The following SNX29 variants were observed in gnomAD, a reference collection of about 807,000 sequenced individuals.
The protein encoded by SNX29 is sorting nexin 29.
Under a neutral mutation model 102.1 loss-of-function variants are expected in SNX29, and 78 were observed. The observed-to-expected ratio is 0.76, with a 90% CI of 0.64 to 0.92. The LOEUF is 0.92. Ranked by LOEUF, SNX29 falls within the 40% of genes least tolerant of loss-of-function variation. The pLI, the probability that SNX29 is intolerant of heterozygous loss-of-function variation, is 0.00. For missense variants in SNX29, 1,280 were observed against 1,061.7 expected, an observed-to-expected ratio of 1.21 and a Z score of -2.86; for synonymous variants, 580 against 414.5, an observed-to-expected ratio of 1.40 and a Z score of -4.85.
Position 12,174,972 on chromosome 16 carries a change from G to T in SNX29, c.1596-24629G>T, listed in dbSNP as rs540698573. Among the ~76,000 whole-genome samples, 17 of 152,204 alleles carry T rather than the reference G, an allele frequency of 1.1e-4. No individual in the cohort carries two copies. The East Asian group carries it at 3.1e-3, about 28-fold the overall frequency. On this transcript the variant is annotated intron_variant, in intron 13 of 20. Transcript: ENST00000566228. ...ATTATCTTGTCCCTGAGGTAAGAGGGCTAGTAAACAGCTTAGTGTCCTCTC... is the reference window on the plus strand; with the variant it reads ...ATTATCTTGTCCCTGAGGTAAGAGGTCTAGTAAACAGCTTAGTGTCCTCTC...
intron 20 of SNX29, among the ~76,000 whole-genome samples, chr16:12,565,576 C>G (rs1030442123): frequency 6.6e-6 from 1 of 152,106 alleles, no homozygotes; most frequent in Non-Finnish European, 1.5e-5. Context: ...TACTGTCACA[C>G]CCTCAACCAC....
At chr16:12,179,514 G>A (rs935833681) in intron 13 of SNX29, among the ~76,000 whole-genome samples, 1 of 152,130 alleles carries the variant, frequency 6.6e-6, no homozygotes, top group Admixed American at 6.5e-5. Flanking sequence ...ATGTTTCCCT[G>A]TTTTCTTCCA....
At chr16:12,532,450 A>G (rs1361236690) in intron 20 of SNX29, among the ~76,000 whole-genome samples, 1 of 152,162 alleles carries the variant, frequency 6.6e-6, no homozygotes, top group Non-Finnish European at 1.5e-5. Flanking sequence ...ACTAAGCTCA[A>G]TATTATTAAG....
chr16:12,244,863 C>T (rs1351416107), intron 14 of SNX29, among the ~76,000 whole-genome samples: 1 of 152,190 alleles, frequency 6.6e-6, no homozygotes. Flanking sequence ...CCATTTGTTA[C>T]TGCTACTTAA....
intron 1 of SNX29, among the ~76,000 whole-genome samples, chr16:11,996,388 C>A (rs145182877): frequency 6.6e-6 from 1 of 151,964 alleles, no homozygotes; most frequent in Non-Finnish European, 1.5e-5. Context: ...CAGAAAAAAA[C>A]GCCAAAAAAT....
In SNX29 at chr16:12,426,624, T is replaced by A. The variant is rs987417411; in HGVS notation, c.2037+23095T>A. 5.9e-5 allele frequency among the ~76,000 whole-genome samples: 9 copies of A among 152,352 alleles called. No homozygotes were observed. The East Asian group carries it at 1.7e-3, about 29-fold the overall frequency. On this transcript the variant is annotated intron_variant, in intron 18 of 20. Coordinates refer to ENST00000566228, the MANE Select transcript of SNX29 (RefSeq NM_032167.5). ...TAGATCTAATTTTTAAAATTCTTTT[T>A]AAGGTGAATTTTATGGTATGTGAAT...
intron 20 of SNX29, among the ~76,000 whole-genome samples, chr16:12,544,734 C>T (rs1199827425): frequency 6.6e-6 from 1 of 152,152 alleles, no homozygotes; most frequent in Non-Finnish European, 1.5e-5. Flanking sequence ...GAAACCTCGG[C>T]CCAGAGAGGT....
At chr16:12,085,063 C>T (rs780600655) in intron 11 of SNX29, among the ~76,000 whole-genome samples, 33 of 151,636 alleles carry the variant, frequency 2.2e-4, no homozygotes, top group Non-Finnish European at 4.7e-4. Context: ...GGGCTAGACC[C>T]GTCTCAAAAA....
intron 16 of SNX29, among the ~76,000 whole-genome samples, chr16:12,359,123 T>C (rs1382845814): frequency 6.6e-6 from 1 of 152,184 alleles, no homozygotes; most frequent in Non-Finnish European, 1.5e-5. Flanking sequence ...GGGGCGGTCT[T>C]GTGGGACTGA....
intron 11 of SNX29, chr16:12,082,044 A>C (rs1265182931): frequency 6.6e-6 from 1 of 152,274 alleles, no homozygotes; most frequent in Non-Finnish European, 1.5e-5. Flanking sequence ...GGATGAGAAA[A>C]GAAGCCACTC....
At chr16:12,265,200 G>T (rs1024814652) in intron 14 of SNX29, among the ~76,000 whole-genome samples, 3 of 152,166 alleles carry the variant, frequency 2.0e-5, no homozygotes, top group African/African-American at 7.2e-5. Context: ...AAATCACTCT[G>T]TCTGGCACAG....
intron 18 of SNX29, among the ~76,000 whole-genome samples, chr16:12,415,968 G>T (rs2084619368): frequency 6.6e-6 from 1 of 152,168 alleles, no homozygotes; most frequent in South Asian, 2.1e-4. Context: ...TGGGAGCATT[G>T]TTGGAGTGGG....
In SNX29 at chr16:12,570,482, G is replaced by T. The variant is rs990516569; in HGVS notation, c.*1853G>T. On this transcript the variant is annotated 3_prime_UTR_variant, in exon 21 of 21. Transcript: ENST00000566228. ...GAAACGTCTAAAAGCTCAATCTGCT[G>T]TATGTCATGACCCCTTAGGTTGGGT... 1.2e-4 allele frequency: 27 copies of T among 233,506 alleles called. No homozygotes were observed. Among genetic ancestry groups the T allele is most frequent in the African/African-American group, 4.9e-4 (22 of 45,320 alleles). The allele number at this position is 233,506 out of a possible 1,614,324, so 14.5% of individuals were successfully genotyped here.
chr16:12,126,627 C>T lies in SNX29; in HGVS notation c.1403-6C>T, dbSNP rs1219864561. 1.9e-6 allele frequency: 3 copies of T among 1,613,728 alleles called. No individual in the cohort carries two copies. The African/African-American group carries it at 4.0e-5, about 22-fold the overall frequency. ...AATTAATCTTGACTTTGTTTTCTTC[C>T]CTTAGGTGAACTGCGCCAGGCCACT... On this transcript the variant is annotated splice_polypyrimidine_tract_variant and splice_region_variant and intron_variant, in intron 11 of 20. Coordinates refer to ENST00000566228, the MANE Select transcript of SNX29 (RefSeq NM_032167.5).
chr16:12,265,280 C>G (rs930770263), intron 14 of SNX29, among the ~76,000 whole-genome samples: 5 of 152,136 alleles, frequency 3.3e-5, no homozygotes, highest in Non-Finnish European at 7.3e-5. Flanking sequence ...GGGGGAGAAA[C>G]ATGAGTCTAA....
At chr16:12,537,558 G>T (rs1333412646) in intron 20 of SNX29, among the ~76,000 whole-genome samples, 1 of 152,122 alleles carries the variant, frequency 6.6e-6, no homozygotes, top group African/African-American at 2.4e-5. Context: ...CTTCTCGAAG[G>T]GAAGCAATTT....
intron 11 of SNX29, among the ~76,000 whole-genome samples, chr16:12,117,704 C>G (rs983999561): frequency 2.0e-5 from 3 of 152,160 alleles, no homozygotes; most frequent in African/African-American, 7.2e-5. Context: ...GTGATGGTTG[C>G]ACAACATTTT....
intron 3 of SNX29, 145 bp from the exon 4 acceptor site, chr16:12,027,175 C>T (rs2057215501): frequency 1.1e-6 from 1 of 935,226 alleles, no homozygotes; most frequent in South Asian, 1.6e-5. Flanking sequence ...GGTCAGTTAC[C>T]AAGCCTGCAC....
intron 15 of SNX29, among the ~76,000 whole-genome samples, 159 bp downstream of exon 15, chr16:12,278,195 A>G (rs953695070): frequency 6.6e-6 from 1 of 152,222 alleles, no homozygotes; most frequent in African/African-American, 2.4e-5. Context: ...GTGCTTTATA[A>G]AAAGAAGTAT....
Sources: allele counts gnomAD v4.1 joint callset (sites outside exome capture counted in the v4.1 genomes callset), GRCh38; gene constraint gnomAD v4.1.1; transcripts MANE v1.5; gene names NCBI Gene and HGNC (gene_info 2026-07-23, HGNC 2026-07-21).